The following KCNQ5 variants were observed in gnomAD, a reference collection of about 807,000 sequenced individuals.
KCNQ5 encodes potassium voltage-gated channel subfamily KQT member 5.
In KCNQ5, 30 loss-of-function variants were observed where a neutral mutation model predicts 98.2. The observed-to-expected ratio is 0.31, with a 90% CI of 0.23 to 0.41. The LOEUF (loss-of-function observed/expected upper bound fraction) is 0.41, where lower values mean the gene tolerates loss of function less well. Ranked by LOEUF, KCNQ5 falls within the 10% of genes least tolerant of loss-of-function variation. The pLI is 1.00. For missense variants in KCNQ5, 835 were observed against 1,182.5 expected, an observed-to-expected ratio of 0.71 and a Z score of 4.31; for synonymous variants, 458 against 449.4, an observed-to-expected ratio of 1.02 and a Z score of -0.24.
intron 1 of KCNQ5, among the ~76,000 whole-genome samples, chr6:72,923,623 T>C (rs1403015606): frequency 6.6e-6 from 1 of 152,152 alleles, no homozygotes; most frequent in African/African-American, 2.4e-5. Flanking sequence ...CATATGCAGG[T>C]TTGTTACATG....
rs548982230 is a variant in KCNQ5 at position 73,104,574 on chromosome 6, CTTCT to C, written c.919-680_919-677del. Among the ~76,000 whole-genome samples the C allele has an allele frequency of 2.2e-3, 328 of 152,238 alleles. 2 individuals are homozygous for C. The highest frequency in any genetic ancestry group is 6.4e-3 in the African/African-American group (266 of 41,544). ...CACCTCTTTCTCCTCCCTAGATCAC[CTTCT>C]TTATCATTTCTGCTTCTCAAAATGT... is the stretch of plus-strand genomic sequence containing the variant. On this transcript the variant is annotated intron_variant, in intron 5 of 13. Coordinates refer to ENST00000370398, the MANE Select transcript of KCNQ5 (RefSeq NM_019842.4).
At chr6:72,736,502 C>CTTTTTTTTTTTTTT (rs752921476) in intron 1 of KCNQ5, among the ~76,000 whole-genome samples, 3 of 121,022 alleles carry the variant, frequency 2.5e-5, no homozygotes, top group Admixed American at 9.3e-5. Context: ...AAAAAGATTT[C>CTTTTTTTTTTTTTT]TTTTTTTTTT....
chr6:73,015,476 T>C (rs757931180), intron 2 of KCNQ5, among the ~76,000 whole-genome samples: 6 of 152,104 alleles, frequency 3.9e-5, no homozygotes, highest in Non-Finnish European at 8.8e-5. Context: ...TGATTGTGCC[T>C]GAAAAAGACC....
chr6:72,904,274 G>A lies in KCNQ5; in HGVS notation c.399-99634G>A, dbSNP rs369256896. Among the ~76,000 whole-genome samples, 11 of 152,284 alleles carry A rather than the reference G, an allele frequency of 7.2e-5. No individual in the cohort carries two copies. In the South Asian group the frequency reaches 1.2e-3, roughly 17 times the overall value. ...GTGTTAGATGAGTGTCTTAAAGGCA[G>A]CAGATAGTTGGTTGGTGAATTCTTA... On this transcript the variant is annotated intron_variant, in intron 1 of 13. Coordinates refer to ENST00000370398, the MANE Select transcript of KCNQ5 (RefSeq NM_019842.4).
chr6:73,154,511 T>C (rs1777276453), intron 10 of KCNQ5, among the ~76,000 whole-genome samples: 1 of 152,162 alleles, frequency 6.6e-6, no homozygotes, highest in Non-Finnish European at 1.5e-5. Context: ...TGGATTGCCT[T>C]CTTTTTTATA....
chr6:72,921,279 G>T (rs544168247), intron 1 of KCNQ5, among the ~76,000 whole-genome samples: 5 of 152,276 alleles, frequency 3.3e-5, no homozygotes, highest in African/African-American at 1.2e-4. Flanking sequence ...CACTGTGCAG[G>T]AAATATAGTT....
intron 2 of KCNQ5, among the ~76,000 whole-genome samples, chr6:73,038,954 A>C (rs1175253069): frequency 6.6e-6 from 1 of 152,156 alleles, no homozygotes; most frequent in Non-Finnish European, 1.5e-5. Flanking sequence ...TGATTTTGCC[A>C]GTGAAACCAT....
chr6:73,000,914 C>T (rs1405889010), intron 1 of KCNQ5, among the ~76,000 whole-genome samples: 1 of 152,210 alleles, frequency 6.6e-6, no homozygotes, highest in East Asian at 1.9e-4. Flanking sequence ...CCCTACAAGC[C>T]TCTCCTCCAC....
chr6:72,866,421 A>AT (rs1777989098), intron 1 of KCNQ5, among the ~76,000 whole-genome samples: 1 of 151,492 alleles, frequency 6.6e-6, no homozygotes, highest in African/African-American at 2.4e-5. Context: ...TGCCTGGCTA[A>AT]TTTTTTGTAT....
chr6:72,987,166 C>T (rs558778377), intron 1 of KCNQ5: 2 of 670,372 alleles, frequency 3.0e-6, no homozygotes, highest in East Asian at 2.8e-5. Context: ...AAGATGAAGT[C>T]CAAGAAGGTA....
intron 1 of KCNQ5, among the ~76,000 whole-genome samples, chr6:72,627,536 T>C (rs1024818920): frequency 6.6e-6 from 1 of 152,306 alleles, no homozygotes; most frequent in South Asian, 2.1e-4. Context: ...TTGGATTTCT[T>C]ATGAAGGAGG....
intron 1 of KCNQ5, among the ~76,000 whole-genome samples, chr6:72,802,207 T>C (rs928972735): frequency 1.3e-5 from 2 of 152,176 alleles, no homozygotes; most frequent in Admixed American, 1.3e-4. Flanking sequence ...TCCTGGATAA[T>C]ATCCTGCAGA....
At chr6:72,668,869 T>C (rs1766957304) in intron 1 of KCNQ5, among the ~76,000 whole-genome samples, 1 of 151,800 alleles carries the variant, frequency 6.6e-6, no homozygotes, top group African/African-American at 2.4e-5. Flanking sequence ...TAGAAGGACA[T>C]TAGTCCTATT....
chr6:72,813,279 G>A (rs138742895), intron 1 of KCNQ5, among the ~76,000 whole-genome samples: 4 of 152,042 alleles, frequency 2.6e-5, no homozygotes, highest in East Asian at 3.9e-4. Flanking sequence ...AGTGAAAGTC[G>A]TACCCTAAGA....
intron 1 of KCNQ5, among the ~76,000 whole-genome samples, chr6:72,654,510 A>G (rs1208318488): frequency 6.6e-6 from 1 of 152,060 alleles, no homozygotes; most frequent in Non-Finnish European, 1.5e-5. Context: ...GAAATAAGGA[A>G]CAATGTACTA....
At chr6:72,960,515 C>T (rs893110371) in intron 1 of KCNQ5, among the ~76,000 whole-genome samples, 2 of 152,176 alleles carry the variant, frequency 1.3e-5, no homozygotes, top group South Asian at 4.2e-4. Context: ...CTGCAACCTC[C>T]GCCTCCTGAG....
At chr6:73,179,568 G>T (rs1480739429) in intron 11 of KCNQ5, among the ~76,000 whole-genome samples, 3 of 152,148 alleles carry the variant, frequency 2.0e-5, no homozygotes, top group Non-Finnish European at 2.9e-5. Flanking sequence ...GAGGGATGTG[G>T]AATGCATGTC....
chr6:72,744,528 G>A (rs1051357548), intron 1 of KCNQ5, among the ~76,000 whole-genome samples: 1 of 152,082 alleles, frequency 6.6e-6, no homozygotes, highest in African/African-American at 2.4e-5. Flanking sequence ...AGTGGTAAGA[G>A]GGCCAGGCAC....
At chr6:72,942,641 T>C (rs1189620841) in intron 1 of KCNQ5, among the ~76,000 whole-genome samples, 1 of 152,220 alleles carries the variant, frequency 6.6e-6, no homozygotes, top group African/African-American at 2.4e-5. Context: ...CAAAAATATC[T>C]GAGCCTTCTG....
Sources: allele counts gnomAD v4.1 joint callset (sites outside exome capture counted in the v4.1 genomes callset), GRCh38; gene constraint gnomAD v4.1.1; transcripts MANE v1.5; gene names NCBI Gene and HGNC (gene_info 2026-07-23, HGNC 2026-07-21).